Variants in BRCA2 observed in about 807,000 individuals in gnomAD.
BRCA2 encodes the protein breast cancer type 2 susceptibility protein.
Under a neutral mutation model 276.7 loss-of-function variants are expected in BRCA2, and 203 were observed. That is an observed-to-expected ratio of 0.73 (90% CI 0.65 to 0.82). BRCA2 has a LOEUF of 0.82. Among genes scored for constraint, BRCA2 ranks in the 40% least tolerant of loss-of-function variants. BRCA2 has a pLI of 0.00. For synonymous variants in BRCA2, 1,289 were observed against 1,338.4 expected, an observed-to-expected ratio of 0.96 and a Z score of 0.81; for missense variants, 3,920 against 3,915.0, an observed-to-expected ratio of 1.00 and a Z score of -0.03.
At chr13:32,349,502 A>G (rs894499995) in intron 13 of BRCA2, among the ~76,000 whole-genome samples, 7 of 152,074 alleles carry the variant, frequency 4.6e-5, no homozygotes, top group African/African-American at 1.7e-4. Context: ...GTGGTGCAGA[A>G]GGAGGGAGCC....
intron 24 of BRCA2, among the ~76,000 whole-genome samples, chr13:32,393,199 C>G (rs575073684): frequency 3.9e-4 from 59 of 152,086 alleles, no homozygotes; most frequent in African/African-American, 1.4e-3. Context: ...TAATAAATAT[C>G]TTGAGGGAGA....
chr13:32,353,126 T>A (rs946523630), intron 13 of BRCA2, among the ~76,000 whole-genome samples: 2 of 152,206 alleles, frequency 1.3e-5, no homozygotes, highest in African/African-American at 2.4e-5. Context: ...CTGCATGGAT[T>A]TTTTTCCTAA....
rs151118619 is a variant in BRCA2, at chr13:32,350,201, T to G, written c.7007+3305T>G. On this transcript the variant is annotated intron_variant, in intron 13 of 26. Coordinates refer to ENST00000380152, the MANE Select transcript of BRCA2 (RefSeq NM_000059.4). ...TAACTATAAACAGACATCCAAAGAT[T>G]ATGAGACATCAGAAAAAGCAAAAAT... Among the ~76,000 whole-genome samples the G allele has an allele frequency of 2.6e-3, 401 of 152,204 alleles. 3 individuals carry two copies. Among genetic ancestry groups the G allele is most frequent in the African/African-American group, 9.3e-3 (387 of 41,526 alleles).
Position 32,336,323 on chromosome 13 carries a change from T to A in BRCA2, c.1968T>A (p.Thr656=), listed in dbSNP as rs527579384. The A allele has an allele frequency of 2.5e-6, 4 of 1,603,780 alleles. No homozygotes were observed. The South Asian group carries it at 3.4e-5, about 13-fold the overall frequency. ...CACAGAATGATTCTGAAGAACCAAC[T>A]TTGTCCTTAACTAGCTCTTTTGGGA... The part of the protein sequence containing the change: ...SCSQNDSEEP[T]LSLTSSFGTI... The change falls in exon 11 of 27, where the codon ACT becomes ACA. Residue 656 remains threonine (T), a synonymous_variant. Transcript: ENST00000380152.
At chr13:32,368,806 T>TG (rs1285915048) in intron 18 of BRCA2, among the ~76,000 whole-genome samples, 198 of 147,510 alleles carry the variant, frequency 1.3e-3, no homozygotes, top group Admixed American at 3.7e-3. Flanking sequence ...TTGTTTTTTT[T>TG]TTGGTTTTTT....
intron 8 of BRCA2, 102 bp downstream of exon 8, chr13:32,329,594 TTATC>T: frequency 1.0e-6 from 1 of 965,766 alleles, no homozygotes; most frequent in Non-Finnish European, 1.6e-6. Flanking sequence ...AATCTGTAAT[TTATC>T]TAAGCCTTTG....
chr13:32,369,957 A>G (rs1037157603), intron 18 of BRCA2, among the ~76,000 whole-genome samples: 1 of 152,226 alleles, frequency 6.6e-6, no homozygotes, highest in Non-Finnish European at 1.5e-5. Context: ...TGCTTTTTGT[A>G]TTAGCCATAA....
At chr13:32,352,733 C>T (rs1213720937) in intron 13 of BRCA2, among the ~76,000 whole-genome samples, 1 of 152,064 alleles carries the variant, frequency 6.6e-6, no homozygotes, top group Non-Finnish European at 1.5e-5. Context: ...TTGGAAGTTT[C>T]TAACAAGAGG....
chr13:32,376,309 G>T (rs1375310516), intron 20 of BRCA2, among the ~76,000 whole-genome samples: 4 of 151,900 alleles, frequency 2.6e-5, no homozygotes, highest in Non-Finnish European at 4.4e-5. Flanking sequence ...ATCACTTGAG[G>T]TCAGGAGTTT....
intron 13 of BRCA2, among the ~76,000 whole-genome samples, chr13:32,351,066 G>A (rs1354955605): frequency 6.6e-6 from 1 of 152,174 alleles, no homozygotes; most frequent in South Asian, 2.1e-4. Flanking sequence ...GGACGTGGGC[G>A]GGGCCAAATA....
chr13:32,352,693 G>A (rs181036787), intron 13 of BRCA2, among the ~76,000 whole-genome samples: 2 of 152,194 alleles, frequency 1.3e-5, no homozygotes, highest in Non-Finnish European at 2.9e-5. Context: ...TTTCTGATAA[G>A]TTGAAACCTA....
At chr13:32,348,619 T>G (rs1039905858) in intron 13 of BRCA2, among the ~76,000 whole-genome samples, 1 of 152,184 alleles carries the variant, frequency 6.6e-6, no homozygotes, top group Non-Finnish European at 1.5e-5. Flanking sequence ...GGTAGACATT[T>G]TTCAGATGTG....
At chr13:32,327,486 G>A (rs1181460228) in intron 7 of BRCA2, among the ~76,000 whole-genome samples, 6 of 151,792 alleles carry the variant, frequency 4.0e-5, no homozygotes, top group Admixed American at 6.6e-5. Flanking sequence ...CCTGGCTAAC[G>A]TGGTGAAACC....
At chr13:32,319,359 T>G in intron 3 of BRCA2, 34 bp downstream of exon 3, 1 of 1,580,488 alleles carries the variant, frequency 6.3e-7, no homozygotes, top group Non-Finnish European at 8.7e-7. Flanking sequence ...TGGGGAGAAC[T>G]ACAAACTAGG....
At position 32,356,445 on chromosome 13, in the gene BRCA2, C is replaced by T. The variant is rs1593919442; in HGVS notation, c.7453C>T (p.Gln2485Ter). The T allele has an allele frequency of 6.2e-7, 1 of 1,613,762 alleles. No homozygotes were observed. Among genetic ancestry groups the T allele is most frequent in the Non-Finnish European group, 8.5e-7 (1 of 1,179,664 alleles). ...EEPLDLITSL[Q>*]NARDIQDMRI... ...TTTGATAGATTTAATTACAAGTCTT[C>T]AGAATGCCAGAGATATACAGGATAT... The change falls in exon 15 of 27, where the codon CAG (glutamine) becomes TAG (stop). Residue 2485 changes from glutamine (Q) to a stop codon, truncating the protein, a stop_gained. Coordinates refer to ENST00000380152, the MANE Select transcript of BRCA2 (RefSeq NM_000059.4). LOFTEE classifies it high-confidence loss of function.
intron 20 of BRCA2, among the ~76,000 whole-genome samples, chr13:32,375,591 G>A (rs190547763): frequency 1.0e-3 from 144 of 142,202 alleles, no homozygotes; most frequent in South Asian, 2.4e-3. Flanking sequence ...ATGGAGTTTC[G>A]CACTTGTTGC....
At position 32,337,027 on chromosome 13, in the gene BRCA2, T is replaced by A. The variant is rs1593897497; in HGVS notation, c.2672T>A (p.Val891Asp). The A allele has an allele frequency of 1.3e-6, 2 of 1,592,918 alleles. No homozygotes were observed. Among genetic ancestry groups the A allele is most frequent in the East Asian group, 4.5e-5 (2 of 44,714 alleles). Residue 891 changes from valine (V) to aspartate (D), a missense_variant, in exon 11 of 27, where the codon GTC becomes GAC. Around this residue, in one of 2 missense-constraint regions of BRCA2, gnomAD observed 3,263 missense variants for 3,156.9 expected, o/e 1.03. Transcript: ENST00000380152. Reference sequence around the variant, plus strand: ...TTCTCAGACAATGAGAATAATTTTGTCTTCCAAGTAGCTAATGAAAGGAAT... The same window carrying A: ...TTCTCAGACAATGAGAATAATTTTGACTTCCAAGTAGCTAATGAAAGGAAT... ...ELFSDNENNF[V>D]FQVANERNNL...
intron 24 of BRCA2, chr13:32,385,681 C>A: frequency 4.6e-6 from 1 of 219,110 alleles, no homozygotes; most frequent in Non-Finnish European, 9.3e-6. Flanking sequence ...GGAACAAAAG[C>A]CCACATTTGA....
At position 32,360,984 on chromosome 13, in the gene BRCA2, GGA is replaced by G. The variant is rs768690743; in HGVS notation, c.7806-1535_7806-1534del. Among the ~76,000 whole-genome samples the G allele has an allele frequency of 7.8e-4, 119 of 152,308 alleles. 1 individual carries two copies. The highest frequency in any genetic ancestry group is 1.4e-3 in the Non-Finnish European group (92 of 68,022). On this transcript the variant is annotated intron_variant, in intron 16 of 26. Transcript: ENST00000380152. ...GAGAAGACCAAAGATGGAGGGAAAT[GGA>G]GAGTTTGGTTTTGGACATTTGAAGC...
Sources: gnomAD v4.1 joint callset for allele counts (sites outside exome capture counted in the v4.1 genomes callset) on GRCh38, gnomAD v4.1.1 for gene constraint, gnomAD v4.1.1 regional missense constraint, MANE v1.5 for transcripts, NCBI Gene and HGNC (gene_info 2026-07-23, HGNC 2026-07-21) for gene names.